CDCA2: variants seen among roughly 807,000 people sequenced by gnomAD.
CDCA2 encodes the protein cell division cycle associated 2, also known as cell division cycle-associated protein 2.
CDCA2 carries 44 observed loss-of-function variants against 67.0 expected under a neutral mutation model. The ratio of observed to expected loss-of-function variants is 0.66; its 90% CI spans 0.52 to 0.84. The LOEUF (loss-of-function observed/expected upper bound fraction) is 0.84. Ranked by LOEUF, CDCA2 falls within the 40% of genes least tolerant of loss-of-function variation. The pLI is 0.00. For synonymous variants in CDCA2, 447 were observed against 418.7 expected (o/e 1.07, Z -0.82); for missense variants, 1,253 against 1,203.2 (o/e 1.04, Z -0.61).
intron 6 of CDCA2, among the ~76,000 whole-genome samples, chr8:25,469,289 G>T (rs1048748212): frequency 6.6e-6 from 1 of 152,204 alleles, no homozygotes; most frequent in Non-Finnish European, 1.5e-5. Flanking sequence ...GCTCCAGTGG[G>T]TTTCCTTTGT....
At chr8:25,489,060 T>G (rs1803899994) in intron 13 of CDCA2, among the ~76,000 whole-genome samples, 1 of 152,156 alleles carries the variant, frequency 6.6e-6, no homozygotes, top group African/African-American at 2.4e-5. Context: ...CTTCTTCCAG[T>G]TGCTGAATCA....
In CDCA2 at chr8:25,462,195, A is replaced by T; in HGVS notation, c.374A>T (p.Asp125Val). 6.2e-7 allele frequency: 1 copy of T among 1,614,038 alleles called. No homozygotes were observed. The highest frequency in any genetic ancestry group is 1.3e-5 in the African/African-American group (1 of 75,044). ...GCTAGGAAATCTCCTTTGGCACAAG[A>T]TTCTCCTTCCCAGGTATGATTTTCT... is the stretch of plus-strand genomic sequence containing the variant. The part of the protein sequence containing the change: ...KNARKSPLAQ[D>V]SPSQGSPALY... Residue 125 changes from aspartate to valine, a missense_variant, in exon 4 of 15, where the codon GAT becomes GTT. Physicochemically the swap from Asp to Val is radical, Grantham distance 152. Transcript: ENST00000330560.
Position 25,507,642 on chromosome 8 carries a change from C to CA in CDCA2, c.2979dup (p.Gly994ArgfsTer9), listed in dbSNP as rs762647011. ...CAAATACTAAAGCCACTTCCCAGTTCAAAGGCTACCGGAGAAGATCCTCTC... is the reference window on the plus strand; with the variant it reads ...CAAATACTAAAGCCACTTCCCAGTTCAAAAGGCTACCGGAGAAGATCCTCTC... On this transcript the variant is annotated frameshift_variant, in exon 15 of 15. Transcript: ENST00000330560. LOFTEE classifies it low-confidence loss of function (END_TRUNC). The CA allele has an allele frequency of 3.2e-5, 51 of 1,614,084 alleles. No individual in the cohort carries two copies. The highest frequency in any genetic ancestry group is 4.2e-5 in the Non-Finnish European group (50 of 1,180,036).
At chr8:25,496,051 G>A (rs1159725518) in intron 13 of CDCA2, among the ~76,000 whole-genome samples, 1 of 152,112 alleles carries the variant, frequency 6.6e-6, no homozygotes, top group African/African-American at 2.4e-5. Context: ...GTTAAAAGGG[G>A]TTAGGGTCCC....
chr8:25,470,209 A>G (rs1387402424), intron 7 of CDCA2, among the ~76,000 whole-genome samples: 2 of 152,230 alleles, frequency 1.3e-5, no homozygotes, highest in Non-Finnish European at 2.9e-5. Context: ...AATTTAGTAT[A>G]AAGAGGTAGC....
At chr8:25,461,516 A>C (rs560551384) in intron 3 of CDCA2, among the ~76,000 whole-genome samples, 2 of 152,346 alleles carry the variant, frequency 1.3e-5, no homozygotes, top group East Asian at 3.9e-4. Flanking sequence ...CCTAACTTTC[A>C]TTCTCAAAAA....
chr8:25,500,732 T>G (rs2117549601), intron 13 of CDCA2, among the ~76,000 whole-genome samples: 1 of 152,334 alleles, frequency 6.6e-6, no homozygotes, highest in South Asian at 2.1e-4. Flanking sequence ...GAAAAGAATT[T>G]GAAAGAACAA....
intron 4 of CDCA2, 73 bp from the exon 5 acceptor site, chr8:25,466,102 A>T: frequency 1.4e-6 from 2 of 1,406,310 alleles, no homozygotes; most frequent in Middle Eastern, 1.9e-4. Flanking sequence ...TTTTGGATTC[A>T]ATGGCTGTAG....
Position 25,468,410 on chromosome 8 carries a change from T to C in CDCA2, c.732T>C (p.Ser244=). 1.2e-6 allele frequency: 2 copies of C among 1,609,484 alleles called. No individual in the cohort carries two copies. The highest frequency in any genetic ancestry group is 1.7e-6 in the Non-Finnish European group (2 of 1,177,566). ...ACAVETSVDL[S]EISSKLGSTQ... is the part of the protein sequence containing the mutation. ...CAGTTGAAACTTCTGTAGATCTTTC[T>C]GAGGTAATTCACTTACTTTACGCAT... is the stretch of plus-strand genomic sequence containing the variant. The change falls in exon 6 of 15, where the codon TCT becomes TCC. Residue 244 remains serine (S), a synonymous_variant. Transcript: ENST00000330560.
chr8:25,462,484 G>T (rs1466096438), intron 4 of CDCA2, among the ~76,000 whole-genome samples: 1 of 152,184 alleles, frequency 6.6e-6, no homozygotes, highest in Non-Finnish European at 1.5e-5. Flanking sequence ...AAAATTAGCT[G>T]GGTGTGGTGG....
chr8:25,487,973 T>C (rs1803849064), intron 12 of CDCA2, among the ~76,000 whole-genome samples: 1 of 152,178 alleles, frequency 6.6e-6, no homozygotes, highest in African/African-American at 2.4e-5. Context: ...AATATAAGTA[T>C]AATCTTTTTT....
intron 7 of CDCA2, among the ~76,000 whole-genome samples, chr8:25,471,937 G>A (rs1297150025): frequency 6.6e-6 from 1 of 152,192 alleles, no homozygotes; most frequent in Non-Finnish European, 1.5e-5. Context: ...GTTGATTTCT[G>A]TATTTTAAAC....
intron 7 of CDCA2, among the ~76,000 whole-genome samples, chr8:25,474,654 A>C (rs1236922712): frequency 6.6e-6 from 1 of 152,016 alleles, no homozygotes; most frequent in Non-Finnish European, 1.5e-5. Context: ...CACTGGCTGG[A>C]CTCTGCCTTC....
intron 10 of CDCA2, 107 bp downstream of exon 10, chr8:25,484,317 G>A: frequency 7.3e-7 from 1 of 1,375,750 alleles, no homozygotes; most frequent in Non-Finnish European, 9.9e-7. Flanking sequence ...TAGACTAAAT[G>A]ATATGCCATG....
rs764594786 is a variant in CDCA2, at chr8:25,506,829, T to C, written c.2163T>C (p.Arg721=). The change falls in exon 15 of 15, where the codon CGT becomes CGC. Residue 721 remains arginine, a synonymous_variant. Transcript: ENST00000330560. ...CTTGTGCTTCTGTAACTGAAGAACG[T>C]GTGGCATCAGATAGTCCCAAACCTG... The part of the protein sequence containing the change: ...PVSCASVTEE[R]VASDSPKPAL... 2.0e-5 allele frequency: 32 copies of C among 1,613,886 alleles called. No homozygotes were observed. Among genetic ancestry groups the C allele is most frequent in the African/African-American group, 4.0e-5 (3 of 74,904 alleles).
At position 25,485,751 on chromosome 8, in the gene CDCA2, T is replaced by G. The variant is rs1469375660; in HGVS notation, c.1366-8T>G. On this transcript the variant is annotated splice_polypyrimidine_tract_variant and splice_region_variant and intron_variant, in intron 10 of 14. Coordinates refer to ENST00000330560, the MANE Select transcript of CDCA2 (RefSeq NM_152562.4). ...AGATATCTAACTTCTGTCTTTTCCT[T>G]TGTTTAGGAAAACATAGAACCACTT... 2.0e-5 allele frequency: 31 copies of G among 1,560,944 alleles called. No homozygotes were observed. The highest frequency in any genetic ancestry group is 2.7e-5 in the African/African-American group (2 of 73,080).
intron 8 of CDCA2, among the ~76,000 whole-genome samples, chr8:25,480,872 C>T (rs967239431): frequency 1.3e-5 from 2 of 152,118 alleles, no homozygotes; most frequent in Non-Finnish European, 2.9e-5. Context: ...GTTTCCTTAT[C>T]TATAAAAATG....
intron 13 of CDCA2, among the ~76,000 whole-genome samples, chr8:25,495,853 G>T (rs7839330): frequency 0.96 from 146,203 of 152,146 alleles, 70,486 homozygotes; most frequent in East Asian, 1. Flanking sequence ...ATCAAGATGT[G>T]CACTCAGAGA....
chr8:25,464,135 C>A (rs544337274), intron 4 of CDCA2, among the ~76,000 whole-genome samples: 1 of 152,306 alleles, frequency 6.6e-6, no homozygotes, highest in South Asian at 2.1e-4. Context: ...ATTTCCCTGG[C>A]TGGGTATGGT....
Sources: allele counts gnomAD v4.1 joint callset (sites outside exome capture counted in the v4.1 genomes callset), GRCh38; gene constraint gnomAD v4.1.1; transcripts MANE v1.5; gene names NCBI Gene and HGNC (gene_info 2026-07-23, HGNC 2026-07-21).